Variants in CFTR observed in about 807,000 individuals in gnomAD.
The protein encoded by CFTR is CF transmembrane conductance regulator.
CFTR carries 181 observed loss-of-function variants against 171.6 expected under a neutral mutation model. The observed-to-expected ratio is 1.05, with a 90% CI of 0.93 to 1.19. The LOEUF is 1.19. Ranked by LOEUF, CFTR falls within the 50% of genes most tolerant of loss-of-function variation. The pLI is 0.00. For missense variants in CFTR, 1,968 were observed against 1,734.7 expected (o/e 1.13, Z -2.39); for synonymous variants, 583 against 608.0 (o/e 0.96, Z 0.60).
chr7:117,515,050 G>A (rs946168508), intron 3 of CFTR, among the ~76,000 whole-genome samples: 1 of 151,968 alleles, frequency 6.6e-6, no homozygotes, highest in South Asian at 2.1e-4. Context: ...CTGGAAATTA[G>A]ATCTTTGTCA....
At position 117,592,212 on chromosome 7, in the gene CFTR, C is replaced by CA. The variant is rs121908746; in HGVS notation, c.2052dup (p.Gln685ThrfsTer4). ...GATGCTCCTGTCTCCTGGACAGAAACAAAAAAACAATCTTTTAAACAGACT... is the reference window on the plus strand; with the variant it reads ...GATGCTCCTGTCTCCTGGACAGAAACAAAAAAAACAATCTTTTAAACAGACT... On this transcript the variant is annotated frameshift_variant, in exon 14 of 27. Coordinates refer to ENST00000003084, the MANE Select transcript of CFTR (RefSeq NM_000492.4). LOFTEE classifies it high-confidence loss of function. 55 of 1,613,464 alleles carry CA rather than the reference C, an allele frequency of 3.4e-5. No homozygotes were observed. The highest frequency in any genetic ancestry group is 5.3e-5 in the African/African-American group (4 of 74,948).
chr7:117,637,495 C>T (rs1194022598), intron 22 of CFTR, among the ~76,000 whole-genome samples: 1 of 152,060 alleles, frequency 6.6e-6, no homozygotes, highest in Non-Finnish European at 1.5e-5. Context: ...TATTTCCCTT[C>T]CCCTAGGTCA....
intron 16 of CFTR, 80 bp from the exon 17 acceptor site, chr7:117,603,452 A>G (rs1562911449): frequency 7.9e-6 from 12 of 1,516,838 alleles, no homozygotes; most frequent in South Asian, 1.1e-5. Context: ...TTTAGACTCA[A>G]GTTTAGTTCC....
intron 22 of CFTR, among the ~76,000 whole-genome samples, chr7:117,636,712 T>G (rs2116151256): frequency 6.6e-6 from 1 of 152,266 alleles, no homozygotes; most frequent in South Asian, 2.1e-4. Context: ...TATTACAGAA[T>G]TTTTGACCTA....
At chr7:117,658,709 C>T (rs1183506499) in intron 24 of CFTR, among the ~76,000 whole-genome samples, 1 of 152,128 alleles carries the variant, frequency 6.6e-6, no homozygotes, top group African/African-American at 2.4e-5. Context: ...CAAGTTCCTC[C>T]ACGGGTACCC....
intron 23 of CFTR, among the ~76,000 whole-genome samples, chr7:117,649,065 T>A (rs1793039966): frequency 6.6e-6 from 1 of 152,034 alleles, no homozygotes; most frequent in African/African-American, 2.4e-5. Context: ...TGAATATATG[T>A]GTATCTATTT....
rs1792459109 is a variant in CFTR, at chr7:117,614,726, A to G, written c.3468+13A>G. ...TGTGGATAGCTTGGTAAGTCTTATCATCTTTTTAACTTTTATGAAAAAAAT... is the reference window on the plus strand; with the variant it reads ...TGTGGATAGCTTGGTAAGTCTTATCGTCTTTTTAACTTTTATGAAAAAAAT... On this transcript the variant is annotated intron_variant, in intron 21 of 26. Transcript: ENST00000003084. 1.3e-6 allele frequency: 2 copies of G among 1,580,476 alleles called. No individual in the cohort carries two copies. Among genetic ancestry groups the G allele is most frequent in the South Asian group, 1.1e-5 (1 of 90,386 alleles).
chr7:117,528,095 C>T (rs1286468083), intron 3 of CFTR, among the ~76,000 whole-genome samples: 3 of 135,716 alleles, frequency 2.2e-5, no homozygotes, highest in African/African-American at 5.4e-5. Flanking sequence ...GGAGGCATCA[C>T]GCTACCTGAC....
At chr7:117,596,340 C>A (rs1053232781) in intron 15 of CFTR, among the ~76,000 whole-genome samples, 3 of 152,240 alleles carry the variant, frequency 2.0e-5, no homozygotes, top group East Asian at 3.9e-4. Flanking sequence ...TGCCTCCCTG[C>A]GGGGCAGGGC....
At chr7:117,643,016 T>A (rs947625043) in intron 23 of CFTR, among the ~76,000 whole-genome samples, 1 of 152,160 alleles carries the variant, frequency 6.6e-6, no homozygotes, top group Non-Finnish European at 1.5e-5. Flanking sequence ...GTGTAGTGAT[T>A]GTTTTTTGTT....
chr7:117,583,642 C>CTT (rs113059446), intron 11 of CFTR, among the ~76,000 whole-genome samples: 5 of 148,520 alleles, frequency 3.4e-5, no homozygotes, highest in East Asian at 2.0e-4. Flanking sequence ...CATGAGTGTG[C>CTT]TTTTTTTTTT....
chr7:117,519,778 T>C (rs1314679314), intron 3 of CFTR, among the ~76,000 whole-genome samples: 2 of 152,006 alleles, frequency 1.3e-5, no homozygotes. Context: ...ATGAATCATA[T>C]GGCTGTACCA....
At chr7:117,655,593 T>C (rs1477886892) in intron 24 of CFTR, among the ~76,000 whole-genome samples, 4 of 152,166 alleles carry the variant, frequency 2.6e-5, no homozygotes, top group African/African-American at 9.7e-5. Flanking sequence ...CACAGCAATG[T>C]AGGCTTTTTC....
At chr7:117,643,845 C>G (rs968794508) in intron 23 of CFTR, among the ~76,000 whole-genome samples, 3 of 152,098 alleles carry the variant, frequency 2.0e-5, no homozygotes, top group African/African-American at 7.2e-5. Flanking sequence ...CTTGTTCACA[C>G]AAATCTGCCC....
At chr7:117,645,955 G>A (rs1342883069) in intron 23 of CFTR, among the ~76,000 whole-genome samples, 1 of 152,098 alleles carries the variant, frequency 6.6e-6, no homozygotes, top group Non-Finnish European at 1.5e-5. Context: ...GTCCCTTATA[G>A]AGTGCATAAC....
chr7:117,664,146 A>G (rs1446794099), intron 24 of CFTR, among the ~76,000 whole-genome samples: 1 of 152,038 alleles, frequency 6.6e-6, no homozygotes, highest in Admixed American at 6.6e-5. Context: ...AATTTAAAAA[A>G]CCCCACAGTT....
At chr7:117,664,603 C>T in intron 24 of CFTR, 85 bp from the exon 25 acceptor site, 1 of 1,274,440 alleles carries the variant, frequency 7.8e-7, no homozygotes. Context: ...CATAAGCTTT[C>T]AGAACTCCTG....
At chr7:117,630,445 G>C (rs1171638833) in intron 22 of CFTR, among the ~76,000 whole-genome samples, 1 of 152,088 alleles carries the variant, frequency 6.6e-6, no homozygotes, top group Non-Finnish European at 1.5e-5. Flanking sequence ...TTGCTCCTTA[G>C]TTCTATTAAA....
At chr7:117,541,813 A>T (rs1640114891) in intron 8 of CFTR, among the ~76,000 whole-genome samples, 1 of 152,306 alleles carries the variant, frequency 6.6e-6, no homozygotes, top group African/African-American at 2.4e-5. Flanking sequence ...ATGTTTAGAG[A>T]GTATATTTCA....
Sources: gnomAD v4.1 joint callset for allele counts (sites outside exome capture counted in the v4.1 genomes callset) on GRCh38, gnomAD v4.1.1 for gene constraint, MANE v1.5 for transcripts, NCBI Gene and HGNC (gene_info 2026-07-23, HGNC 2026-07-21) for gene names.